The following TKTL1 variants were observed in gnomAD, a reference collection of about 807,000 sequenced individuals.
TKTL1 encodes transketolase-like protein 1.
TKTL1 carries 1 observed loss-of-function variant against 39.3 expected under a neutral mutation model. That is an observed-to-expected ratio of 0.03 (90% confidence interval 0.01 to 0.12). The LOEUF is 0.12. Ranked by LOEUF, TKTL1 falls within the 10% of genes least tolerant of loss-of-function variation. TKTL1 has a pLI of 1.00. For synonymous variants in TKTL1, 262 were observed against 193.8 expected, an observed-to-expected ratio of 1.35 and a Z score of -2.92; for missense variants, 575 against 509.6, an observed-to-expected ratio of 1.13 and a Z score of -1.24.
rs191790127 is a variant in TKTL1 at position 154,312,284 on chromosome X, C to T, written c.671-296C>T. Among the ~76,000 whole-genome samples, 7 of 112,005 alleles carry T rather than the reference C, an allele frequency of 6.2e-5. No homozygotes were observed. The East Asian group carries it at 1.1e-3, about 18-fold the overall frequency. ...ATCCCAGCTACTTAGGAGGCGGAGG[C>T]GGGAGGATCACTCGAGCCCGAGGAG... is the stretch of plus-strand genomic sequence containing the variant. On this transcript the variant is annotated intron_variant, in intron 5 of 12. Coordinates refer to ENST00000369915, the MANE Select transcript of TKTL1 (RefSeq NM_012253.4).
intron 3 of TKTL1, among the ~76,000 whole-genome samples, chrX:154,310,629 G>C (rs1158543078): frequency 8.9e-6 from 1 of 112,275 alleles, no homozygotes; most frequent in Non-Finnish European, 1.9e-5. Flanking sequence ...ACTAGCCAGA[G>C]GTAAAGCCTG....
chrX:154,299,074 A>G (rs957509347), intron 1 of TKTL1, among the ~76,000 whole-genome samples: 4 of 109,549 alleles, frequency 3.7e-5, no homozygotes, highest in South Asian at 3.9e-4. Context: ...TGCTTTTGCT[A>G]CATCACATAG....
chrX:154,324,396 T>A (rs1007666452), intron 9 of TKTL1, among the ~76,000 whole-genome samples: 7 of 112,551 alleles, frequency 6.2e-5, no homozygotes, highest in African/African-American at 2.3e-4. Context: ...CACCTTGGCC[T>A]CCCAAAGTGC....
chrX:154,324,247 C>T (rs2067476228), intron 9 of TKTL1, among the ~76,000 whole-genome samples: 1 of 111,362 alleles, frequency 9.0e-6, no homozygotes, highest in Middle Eastern at 4.6e-3. Flanking sequence ...CCCAGATTCT[C>T]CTGCCTCAGC....
chrX:154,298,041 T>C (rs997635704), intron 1 of TKTL1, among the ~76,000 whole-genome samples: 1 of 111,956 alleles, frequency 8.9e-6, no homozygotes, highest in Non-Finnish European at 1.9e-5. Flanking sequence ...TACTAGTTAG[T>C]TGTAGGTCTA....
intron 1 of TKTL1, among the ~76,000 whole-genome samples, chrX:154,300,662 G>C (rs1031993055): frequency 1.4e-4 from 16 of 111,171 alleles, no homozygotes; most frequent in African/African-American, 4.9e-4. Context: ...AGATCTAAGA[G>C]TCTTTTGGAT....
intron 7 of TKTL1, among the ~76,000 whole-genome samples, chrX:154,318,454 C>T (rs1045973243): frequency 5.6e-5 from 6 of 107,941 alleles, no homozygotes; most frequent in African/African-American, 2.0e-4. Context: ...AATCCCAGCA[C>T]TTTGGGAGGC....
At chrX:154,296,836 T>C (rs960862809) in intron 1 of TKTL1, among the ~76,000 whole-genome samples, 4 of 111,503 alleles carry the variant, frequency 3.6e-5, no homozygotes, top group African/African-American at 1.3e-4. Flanking sequence ...CTGGGCAAGA[T>C]GGCGAACCTC....
chrX:154,315,467 G>A, intron 7 of TKTL1, 130 bp downstream of exon 7: 1 of 693,422 alleles, frequency 1.4e-6, no homozygotes, highest in Non-Finnish European at 2.1e-6. Context: ...CTGGGAAGCA[G>A]GAGGCAAGTA....
At chrX:154,323,364 G>A in intron 9 of TKTL1, 27 bp downstream of exon 9, 1 of 1,207,649 alleles carries the variant, frequency 8.3e-7, no homozygotes, top group Non-Finnish European at 1.1e-6. Context: ...ACTAGTTTCA[G>A]ACAGAAAATG....
intron 6 of TKTL1, among the ~76,000 whole-genome samples, chrX:154,314,208 AT>A (rs1397117814): frequency 9.0e-6 from 1 of 111,351 alleles, no homozygotes; most frequent in Non-Finnish European, 1.9e-5. Flanking sequence ...ACTGTTTCAA[AT>A]TTTTCCAAAT....
At chrX:154,322,631 G>T (rs2067460864) in intron 8 of TKTL1, among the ~76,000 whole-genome samples, 1 of 111,723 alleles carries the variant, frequency 9.0e-6, no homozygotes, top group Admixed American at 9.5e-5. Flanking sequence ...CCCCTTCCTA[G>T]CTGAGAAAAG....
chrX:154,306,028 C>T (rs1048786628), intron 2 of TKTL1, among the ~76,000 whole-genome samples: 2 of 111,048 alleles, frequency 1.8e-5, no homozygotes, highest in African/African-American at 3.3e-5. Context: ...GGCTAGGGGC[C>T]GGGTGCAGTG....
At chrX:154,322,403 A>G (rs2067458845) in intron 8 of TKTL1, among the ~76,000 whole-genome samples, 2 of 109,807 alleles carry the variant, frequency 1.8e-5, no homozygotes, top group Admixed American at 9.8e-5. Flanking sequence ...ATGTTGGCAC[A>G]TGACTGTAAT....
At chrX:154,305,623 C>T (rs114417592) in intron 2 of TKTL1, among the ~76,000 whole-genome samples, 3 of 111,392 alleles carry the variant, frequency 2.7e-5, no homozygotes, top group African/African-American at 9.8e-5. Flanking sequence ...CTTGGGAGAG[C>T]TGACTGTCCT....
At chrX:154,328,320 G>A (rs782519896) in intron 12 of TKTL1, among the ~76,000 whole-genome samples, 1 of 109,285 alleles carries the variant, frequency 9.2e-6, no homozygotes, top group East Asian at 2.9e-4. Flanking sequence ...GAGGCAGGTA[G>A]AGATCACTTG....
chrX:154,306,847 G>GGC (rs1373166078), intron 2 of TKTL1, among the ~76,000 whole-genome samples: 1 of 110,415 alleles, frequency 9.1e-6, no homozygotes, highest in Admixed American at 9.7e-5. Context: ...ATGTTGCCCA[G>GGC]GCTGGCCTCA....
At chrX:154,306,509 T>C (rs2067316038) in intron 2 of TKTL1, among the ~76,000 whole-genome samples, 1 of 112,054 alleles carries the variant, frequency 8.9e-6, no homozygotes, top group African/African-American at 3.2e-5. Context: ...CGCGCATGTG[T>C]GGAGAGAGGG....
intron 1 of TKTL1, among the ~76,000 whole-genome samples, chrX:154,304,164 C>T (rs2067297023): frequency 9.0e-6 from 1 of 110,966 alleles, no homozygotes; most frequent in Non-Finnish European, 1.9e-5. Context: ...AAGCCTGTTA[C>T]TCCTCTGCTG....
Sources: allele counts gnomAD v4.1 joint callset (sites outside exome capture counted in the v4.1 genomes callset), GRCh38; gene constraint gnomAD v4.1.1; transcripts MANE v1.5; gene names NCBI Gene and HGNC (gene_info 2026-07-23, HGNC 2026-07-21).